The following SPAG16 variants were observed in gnomAD, a reference collection of about 807,000 sequenced individuals.
SPAG16 encodes the protein sperm-associated antigen 16 protein.
In SPAG16, 86 loss-of-function variants were observed where a neutral mutation model predicts 80.4. The ratio of observed to expected loss-of-function variants is 1.07; its 90% confidence interval spans 0.90 to 1.28. The LOEUF (loss-of-function observed/expected upper bound fraction) is 1.28, where lower values mean the gene tolerates loss of function less well. SPAG16 is among the 50% of genes most tolerant of loss of function. The pLI is 0.00. For missense variants in SPAG16, 870 were observed against 765.3 expected (o/e 1.14, Z -1.61); for synonymous variants, 294 against 265.9 (o/e 1.11, Z -1.03).
rs182051975 is a variant in SPAG16, at chr2:214,355,706, A to G, written c.1721-54434A>G. On this transcript the variant is annotated intron_variant, in intron 15 of 15. Transcript: ENST00000331683. ...CCAAAAGACTATAAATCATGCTGCT[A>G]TAAAGGCACATGCACACGTATGTTT... is the stretch of plus-strand genomic sequence containing the variant. Among the ~76,000 whole-genome samples the G allele has an allele frequency of 3.0e-3, 454 of 152,082 alleles. 1 individual carries two copies. In the Middle Eastern group the frequency reaches 0.058, roughly 19 times the overall value.
rs199755883 is a variant in SPAG16 at position 214,343,655 on chromosome 2, G to C, written c.1721-66485G>C. Among the ~76,000 whole-genome samples the C allele has an allele frequency of 3.9e-5, 6 of 152,064 alleles. No individual in the cohort carries two copies. In the East Asian group the frequency reaches 9.6e-4, roughly 24 times the overall value. On this transcript the variant is annotated intron_variant, in intron 15 of 15. Coordinates refer to ENST00000331683, the MANE Select transcript of SPAG16 (RefSeq NM_024532.5). ...CATTAAGCCAACTAAGACAAACTTA[G>C]ACACAATGGGGAAATAGATTTAAAA...
At chr2:214,048,070 A>C (rs1372479589) in intron 13 of SPAG16, among the ~76,000 whole-genome samples, 2 of 152,136 alleles carry the variant, frequency 1.3e-5, no homozygotes, top group Non-Finnish European at 2.9e-5. Context: ...GAGAAAAGGA[A>C]CCCTCCTCAT....
intron 10 of SPAG16, among the ~76,000 whole-genome samples, chr2:213,504,467 A>C (rs1037776206): frequency 1.3e-5 from 2 of 152,138 alleles, no homozygotes; most frequent in African/African-American, 2.4e-5. Context: ...AAAAAGTTGA[A>C]CTTGAGGGCA....
At chr2:214,169,917 T>C (rs1325063561) in intron 15 of SPAG16, among the ~76,000 whole-genome samples, 1 of 152,008 alleles carries the variant, frequency 6.6e-6, no homozygotes, top group Non-Finnish European at 1.5e-5. Context: ...AGTGAACTAT[T>C]TGGAGGCCTG....
intron 15 of SPAG16, among the ~76,000 whole-genome samples, chr2:214,346,449 G>A (rs1576839114): frequency 1.3e-5 from 2 of 152,008 alleles, no homozygotes; most frequent in South Asian, 2.1e-4. Flanking sequence ...TCTATATCTT[G>A]GTGACAAGTT....
At chr2:213,403,008 CT>C (rs2068407373) in intron 9 of SPAG16, among the ~76,000 whole-genome samples, 1 of 151,994 alleles carries the variant, frequency 6.6e-6, no homozygotes, top group African/African-American at 2.4e-5. Flanking sequence ...GCCACACTGA[CT>C]TCCACAATGG....
At position 213,934,306 on chromosome 2, in the gene SPAG16, A is replaced by G. The variant is rs555706367; in HGVS notation, c.1400+4161A>G. On this transcript the variant is annotated intron_variant, in intron 12 of 15. Transcript: ENST00000331683. Reference sequence around the variant, plus strand: ...TTCTGTCCTTACTTCACAATTGTGCATTGTGTTCATGGTGGTGATGGTGGT... The same window carrying G: ...TTCTGTCCTTACTTCACAATTGTGCGTTGTGTTCATGGTGGTGATGGTGGT... Among the ~76,000 whole-genome samples, 40 of 152,252 alleles carry G rather than the reference A, an allele frequency of 2.6e-4. No individual in the cohort carries two copies. In the South Asian group the frequency reaches 7.7e-3, roughly 29 times the overall value.
chr2:214,174,589 A>G (rs1384087628), intron 15 of SPAG16, among the ~76,000 whole-genome samples: 1 of 151,802 alleles, frequency 6.6e-6, no homozygotes, highest in Non-Finnish European at 1.5e-5. Context: ...TATTAGTTTA[A>G]TGTTAAGTGC....
chr2:213,621,054 AAAAAC>A (rs751039836), intron 10 of SPAG16, among the ~76,000 whole-genome samples: 38,427 of 150,420 alleles, frequency 0.26, 5,094 homozygotes, highest in Middle Eastern at 0.38. Context: ...TACTAAAACT[AAAAAC>A]TAGTTTTAGT....
At chr2:213,547,605 T>A (rs1271408736) in intron 10 of SPAG16, among the ~76,000 whole-genome samples, 1 of 151,674 alleles carries the variant, frequency 6.6e-6, no homozygotes, top group African/African-American at 2.4e-5. Flanking sequence ...GATTTTAGAG[T>A]AAAGAGTATT....
At chr2:213,597,056 C>G (rs925798963) in intron 10 of SPAG16, among the ~76,000 whole-genome samples, 1 of 152,114 alleles carries the variant, frequency 6.6e-6, no homozygotes, top group Non-Finnish European at 1.5e-5. Context: ...TTTAAACAGG[C>G]ACAATCTGAA....
At chr2:213,721,545 A>T (rs2066535736) in intron 10 of SPAG16, among the ~76,000 whole-genome samples, 1 of 152,236 alleles carries the variant, frequency 6.6e-6, no homozygotes, top group African/African-American at 2.4e-5. Context: ...CATTGACCTG[A>T]TTGGTTAAGA....
intron 10 of SPAG16, among the ~76,000 whole-genome samples, chr2:213,739,356 G>C (rs1478490292): frequency 6.6e-6 from 1 of 152,058 alleles, no homozygotes; most frequent in East Asian, 1.9e-4. Flanking sequence ...TCATTTACAG[G>C]ATAAATATTC....
intron 10 of SPAG16, among the ~76,000 whole-genome samples, chr2:213,650,155 T>C (rs1355424046): frequency 6.6e-6 from 1 of 152,194 alleles, no homozygotes; most frequent in Non-Finnish European, 1.5e-5. Context: ...TGAAAAAATA[T>C]CTTTTGTAGC....
At chr2:213,785,143 C>T (rs533620632) in intron 10 of SPAG16, among the ~76,000 whole-genome samples, 1 of 152,238 alleles carries the variant, frequency 6.6e-6, no homozygotes, top group East Asian at 1.9e-4. Context: ...TCCTACTGCT[C>T]TCAGGTAACC....
At chr2:214,305,842 C>T (rs1402185749) in intron 15 of SPAG16, among the ~76,000 whole-genome samples, 2 of 151,536 alleles carry the variant, frequency 1.3e-5, no homozygotes, top group Admixed American at 6.6e-5. Context: ...TTTGGATTTC[C>T]TTGTCAATTT....
At chr2:214,016,013 G>C (rs1249136892) in intron 13 of SPAG16, among the ~76,000 whole-genome samples, 1 of 152,096 alleles carries the variant, frequency 6.6e-6, no homozygotes, top group Non-Finnish European at 1.5e-5. Context: ...ATGTGGGGAG[G>C]AGGAGGAGTT....
At chr2:214,103,451 C>T (rs919317160) in intron 13 of SPAG16, among the ~76,000 whole-genome samples, 4 of 152,160 alleles carry the variant, frequency 2.6e-5, no homozygotes, top group Non-Finnish European at 5.9e-5. Flanking sequence ...TTTCATGAAA[C>T]AGTTTCTGCT....
intron 10 of SPAG16, among the ~76,000 whole-genome samples, chr2:213,524,318 G>A (rs1466324446): frequency 1.3e-5 from 2 of 152,238 alleles, no homozygotes; most frequent in East Asian, 1.9e-4. Context: ...ATGCCTGGAT[G>A]TCCAGGCAGA....
Sources: allele counts gnomAD v4.1 joint callset (sites outside exome capture counted in the v4.1 genomes callset), GRCh38; gene constraint gnomAD v4.1.1; transcripts MANE v1.5; gene names NCBI Gene and HGNC (gene_info 2026-07-23, HGNC 2026-07-21).